SSBP2: variants seen among roughly 807,000 people sequenced by gnomAD.
The protein encoded by SSBP2 is single stranded DNA binding protein 2.
Under a neutral mutation model 61.8 loss-of-function variants are expected in SSBP2, and 17 were observed. That is an observed-to-expected ratio of 0.28 (90% CI 0.19 to 0.41). SSBP2 has a LOEUF of 0.41. Among genes scored for constraint, SSBP2 ranks in the 10% least tolerant of loss-of-function variants. The probability of loss-of-function intolerance (pLI) is 1.00; values close to 1 mark genes in which losing one functional copy is unlikely to be tolerated. For missense variants in SSBP2, 310 were observed against 458.7 expected (o/e 0.68, Z 2.96); for synonymous variants, 139 against 141.3 (o/e 0.98, Z 0.12).
chr5:81,455,658 C>T lies in SSBP2; in HGVS notation c.687+5397G>A, dbSNP rs1007573882. Among the ~76,000 whole-genome samples the T allele has an allele frequency of 3.9e-5, 5 of 128,324 alleles. 2 individuals carry two copies. The highest frequency in any genetic ancestry group is 5.2e-5 in the African/African-American group (2 of 38,788). 84.2% of individuals were successfully genotyped at this position (128,324 alleles called of 152,430 possible). A position where few individuals can be genotyped will look rare whatever the true frequency, so the allele number is the denominator to read the frequency against. The stretch of plus-strand genomic sequence containing the variant: ...AAAAAAAAAAAAAAAAAAAAAAATC[C>T]TCCTTCTAACCCTACCCTATACTTT... On this transcript the variant is annotated intron_variant, in intron 10 of 16. Transcript: ENST00000320672.
At chr5:81,604,499 A>G (rs1744687148) in intron 4 of SSBP2, among the ~76,000 whole-genome samples, 2 of 152,118 alleles carry the variant, frequency 1.3e-5, no homozygotes, top group South Asian at 4.1e-4. Context: ...GGAGTGAGGT[A>G]CTTTCTAGAA....
At chr5:81,484,299 C>A (rs889404832) in intron 6 of SSBP2, among the ~76,000 whole-genome samples, 10 of 152,142 alleles carry the variant, frequency 6.6e-5, no homozygotes, top group South Asian at 2.1e-4. Context: ...TATCATAAAA[C>A]CTCCATAAAA....
chr5:81,710,854 C>A, intron 1 of SSBP2: 6 of 241,712 alleles, frequency 2.5e-5, no homozygotes, highest in East Asian at 1.2e-4. Context: ...CATGGGAGCA[C>A]GAATAAAAAG....
intron 2 of SSBP2, among the ~76,000 whole-genome samples, chr5:81,646,485 A>G (rs1009262189): frequency 7.2e-5 from 11 of 151,958 alleles, no homozygotes; most frequent in African/African-American, 2.7e-4. Flanking sequence ...TTTTTTTACT[A>G]CTCAGACCAG....
chr5:81,571,202 C>T (rs1404918532), intron 4 of SSBP2, among the ~76,000 whole-genome samples: 7 of 152,210 alleles, frequency 4.6e-5, no homozygotes, highest in African/African-American at 1.7e-4. Flanking sequence ...TAGATTCTGC[C>T]ATAAATCCAT....
chr5:81,532,488 T>C (rs1304359374), intron 4 of SSBP2, among the ~76,000 whole-genome samples: 1 of 151,646 alleles, frequency 6.6e-6, no homozygotes, highest in Non-Finnish European at 1.5e-5. Context: ...TAAAAATTAA[T>C]ACTAAAAAGG....
At chr5:81,559,156 G>A (rs1227346147) in intron 4 of SSBP2, among the ~76,000 whole-genome samples, 2 of 152,058 alleles carry the variant, frequency 1.3e-5, no homozygotes, top group African/African-American at 4.8e-5. Context: ...GAGAGGCCAA[G>A]GCAGGTGGAT....
intron 10 of SSBP2, among the ~76,000 whole-genome samples, chr5:81,450,304 G>T (rs1291884979): frequency 1.3e-5 from 2 of 152,162 alleles, no homozygotes; most frequent in African/African-American, 4.8e-5. Context: ...TTATAGGCGT[G>T]AGCTGCTGTG....
At chr5:81,719,712 C>G (rs1755418664) in intron 1 of SSBP2, among the ~76,000 whole-genome samples, 1 of 152,054 alleles carries the variant, frequency 6.6e-6, no homozygotes, top group African/African-American at 2.4e-5. Context: ...TGGGAAGGCA[C>G]CAGGGTCAGT....
chr5:81,556,005 G>A (rs1228816328), intron 4 of SSBP2, among the ~76,000 whole-genome samples: 2 of 152,068 alleles, frequency 1.3e-5, no homozygotes, highest in African/African-American at 4.8e-5. Context: ...ATATTCTAGT[G>A]CAAAAGCAGC....
intron 1 of SSBP2, among the ~76,000 whole-genome samples, chr5:81,737,097 C>T (rs1193132936): frequency 6.6e-6 from 1 of 152,134 alleles, no homozygotes; most frequent in African/African-American, 2.4e-5. Context: ...TCAACACCCA[C>T]CTAACTAAAG....
chr5:81,635,414 T>C (rs765519930), intron 3 of SSBP2, among the ~76,000 whole-genome samples: 1 of 152,210 alleles, frequency 6.6e-6, no homozygotes, highest in Non-Finnish European at 1.5e-5. Flanking sequence ...TGGAACAAGA[T>C]TGACCTATTA....
At chr5:81,672,187 T>C (rs1022124707) in intron 1 of SSBP2, among the ~76,000 whole-genome samples, 10 of 152,182 alleles carry the variant, frequency 6.6e-5, no homozygotes, top group African/African-American at 2.4e-4. Flanking sequence ...AGCAGCTTAC[T>C]AAGAATTTTT....
chr5:81,456,180 G>A (rs1764132773), intron 10 of SSBP2, among the ~76,000 whole-genome samples: 1 of 152,038 alleles, frequency 6.6e-6, no homozygotes, highest in East Asian at 1.9e-4. Context: ...ATTTCCTTTA[G>A]GCTTAATCAC....
At position 81,473,756 on chromosome 5, in the gene SSBP2, C is replaced by T. The variant is rs1228282949; in HGVS notation, c.514G>A (p.Gly172Ser). The change falls in exon 8 of 17, where the codon GGT becomes AGT. Residue 172 changes from glycine (G) to serine (S), a missense_variant. Transcript: ENST00000320672. ...GGAGTCATTCTCTGCATTGGCCCAC[C>T]CATATTTGGATGTCCTAAAAAAAGT... 1.2e-6 allele frequency: 2 copies of T among 1,613,760 alleles called. No homozygotes were observed. The highest frequency in any genetic ancestry group is 1.7e-6 in the Non-Finnish European group (2 of 1,179,844).
intron 3 of SSBP2, among the ~76,000 whole-genome samples, chr5:81,634,761 A>T (rs76852292): frequency 0.027 from 4,097 of 152,170 alleles, 182 homozygotes; most frequent in African/African-American, 0.094. Context: ...TTCACCTCTA[A>T]GTCTCTGCAC....
rs1581008131 is a variant in SSBP2, at chr5:81,554,406, A to C, written c.283-40689T>G. Reference sequence around the variant, plus strand: ...GTGGAATGGCTGAATAAAATAATGCACAAGTATGTACAATTTTAAATATAT... The same window carrying C: ...GTGGAATGGCTGAATAAAATAATGCCCAAGTATGTACAATTTTAAATATAT... On this transcript the variant is annotated intron_variant, in intron 4 of 16. Coordinates refer to ENST00000320672, the MANE Select transcript of SSBP2 (RefSeq NM_012446.5). 4.6e-5 allele frequency among the ~76,000 whole-genome samples: 7 copies of C among 151,362 alleles called. No individual in the cohort carries two copies. The East Asian group carries it at 1.4e-3, about 29-fold the overall frequency.
chr5:81,717,326 C>T (rs549948091), intron 1 of SSBP2, among the ~76,000 whole-genome samples: 1 of 152,292 alleles, frequency 6.6e-6, no homozygotes, highest in East Asian at 1.9e-4. Context: ...CAGCATCTAT[C>T]CGTAACATAT....
chr5:81,707,831 G>C (rs573353714), intron 1 of SSBP2, among the ~76,000 whole-genome samples: 28 of 152,238 alleles, frequency 1.8e-4, no homozygotes, highest in Non-Finnish European at 3.5e-4. Context: ...TGTGAGGATA[G>C]AACTTAACAA....
Sources: gnomAD v4.1 joint callset for allele counts (sites outside exome capture counted in the v4.1 genomes callset) on GRCh38, gnomAD v4.1.1 for gene constraint, MANE v1.5 for transcripts, NCBI Gene and HGNC (gene_info 2026-07-23, HGNC 2026-07-21) for gene names.